Variants in CCDC91 observed in about 807,000 individuals in gnomAD.
The protein encoded by CCDC91 is coiled-coil domain containing 91, also known as coiled-coil domain-containing protein 91.
CCDC91 carries 48 observed loss-of-function variants against 63.2 expected under a neutral mutation model. That is an observed-to-expected ratio of 0.76 (90% confidence interval 0.60 to 0.97). CCDC91 has a LOEUF of 0.97. CCDC91 is among the 50% of genes least tolerant of loss of function. The pLI is 0.00. For missense variants in CCDC91, 500 were observed against 494.6 expected (o/e 1.01, Z -0.10); for synonymous variants, 167 against 165.8 (o/e 1.01, Z -0.06).
At chr12:28,204,612 TC>T (rs1407108883) in intron 1 of CCDC91, among the ~76,000 whole-genome samples, 2 of 152,184 alleles carry the variant, frequency 1.3e-5, no homozygotes, top group Non-Finnish European at 2.9e-5. Context: ...GTTAGGTATT[TC>T]TAAGATGTAT....
At chr12:28,358,726 G>C (rs1943678006) in intron 6 of CCDC91, among the ~76,000 whole-genome samples, 1 of 152,138 alleles carries the variant, frequency 6.6e-6, no homozygotes, top group African/African-American at 2.4e-5. Context: ...TTGATCAGTG[G>C]TGTACTATTT....
intron 1 of CCDC91, among the ~76,000 whole-genome samples, chr12:28,213,485 T>C (rs1164789574): frequency 1.3e-5 from 2 of 152,222 alleles, no homozygotes; most frequent in Non-Finnish European, 2.9e-5. Flanking sequence ...ACCAAATCTA[T>C]TGATATGGGC....
intron 6 of CCDC91, among the ~76,000 whole-genome samples, chr12:28,358,268 A>T (rs147077358): frequency 1.4e-4 from 22 of 152,304 alleles, no homozygotes; most frequent in African/African-American, 5.3e-4. Context: ...ACAGACATCT[A>T]CTTGAACCTG....
At chr12:28,390,938 C>CTT (rs200273851) in intron 7 of CCDC91, among the ~76,000 whole-genome samples, 9 of 137,004 alleles carry the variant, frequency 6.6e-5, no homozygotes, top group Admixed American at 1.5e-4. Context: ...CTTTTTCTTT[C>CTT]TTTTTTTTTT....
intron 7 of CCDC91, among the ~76,000 whole-genome samples, chr12:28,386,136 A>G (rs1945584574): frequency 6.6e-6 from 1 of 152,184 alleles, no homozygotes; most frequent in African/African-American, 2.4e-5. Context: ...CTTGGTAACA[A>G]TTTTGGTGAC....
chr12:28,231,172 G>C (rs1057372463), intron 1 of CCDC91, among the ~76,000 whole-genome samples: 3 of 152,100 alleles, frequency 2.0e-5, no homozygotes, highest in African/African-American at 7.2e-5. Flanking sequence ...TGTACATGTG[G>C]GTTGTGAGAA....
intron 3 of CCDC91, among the ~76,000 whole-genome samples, chr12:28,300,405 T>C (rs563801604): frequency 6.6e-6 from 1 of 151,674 alleles, no homozygotes; most frequent in East Asian, 1.9e-4. Flanking sequence ...ATTTTTGGAC[T>C]TTCTGATGTG....
chr12:28,386,842 T>C (rs1228966797), intron 7 of CCDC91, among the ~76,000 whole-genome samples: 1 of 152,212 alleles, frequency 6.6e-6, no homozygotes. Flanking sequence ...TTGGTATGTA[T>C]CTTGGCATTT....
chr12:28,376,960 T>C (rs1398078887), intron 7 of CCDC91, among the ~76,000 whole-genome samples: 3 of 151,790 alleles, frequency 2.0e-5, no homozygotes, highest in African/African-American at 7.2e-5. Context: ...GAAATTAAGT[T>C]CAACATGTTG....
chr12:28,359,836 T>A (rs1265465618), intron 6 of CCDC91, among the ~76,000 whole-genome samples: 1 of 152,076 alleles, frequency 6.6e-6, no homozygotes. Flanking sequence ...TAATATTTAG[T>A]ATATGGGTTG....
intron 6 of CCDC91, among the ~76,000 whole-genome samples, chr12:28,345,973 T>C (rs1406792020): frequency 6.6e-6 from 1 of 152,178 alleles, no homozygotes; most frequent in East Asian, 1.9e-4. Flanking sequence ...TATCTTTAAA[T>C]GAATATTGTC....
At chr12:28,277,221 T>G (rs1484073263) in intron 3 of CCDC91, among the ~76,000 whole-genome samples, 1 of 151,946 alleles carries the variant, frequency 6.6e-6, no homozygotes, top group Non-Finnish European at 1.5e-5. Context: ...TATTGAACAT[T>G]TTAGAGATTT....
intron 1 of CCDC91, among the ~76,000 whole-genome samples, chr12:28,235,848 T>A (rs1385471406): frequency 3.3e-5 from 5 of 152,040 alleles, no homozygotes; most frequent in Non-Finnish European, 7.4e-5. Flanking sequence ...TTTTTGTGTA[T>A]GAGGAGGTAA....
chr12:28,385,759 G>C (rs533698251), intron 7 of CCDC91, among the ~76,000 whole-genome samples: 3 of 152,148 alleles, frequency 2.0e-5, no homozygotes, highest in Admixed American at 1.3e-4. Flanking sequence ...GCTGGAATCA[G>C]ATCTGAAACA....
chr12:28,484,233 C>A, intron 12 of CCDC91, 68 bp downstream of exon 12: 1 of 753,204 alleles, frequency 1.3e-6, no homozygotes, highest in South Asian at 2.0e-5. Context: ...CATACAATAA[C>A]ATGAAATTGT....
intron 12 of CCDC91, among the ~76,000 whole-genome samples, chr12:28,530,675 G>T (rs1281083045): frequency 6.6e-6 from 1 of 152,004 alleles, no homozygotes; most frequent in African/African-American, 2.4e-5. Context: ...GGTGTGACCT[G>T]GATTCAAAGA....
chr12:28,201,672 C>T (rs1401253962), intron 1 of CCDC91, among the ~76,000 whole-genome samples: 3 of 145,448 alleles, frequency 2.1e-5, no homozygotes, highest in Non-Finnish European at 4.6e-5. Context: ...GAGGCCAAGG[C>T]AGGCGGCTGG....
chr12:28,460,867 A>C (rs894811436), intron 11 of CCDC91, among the ~76,000 whole-genome samples: 1 of 151,764 alleles, frequency 6.6e-6, no homozygotes, highest in African/African-American at 2.4e-5. Context: ...AGTAGGTGAA[A>C]ATTTTTAGCT....
chr12:28,431,444 G>C (rs746680088), intron 8 of CCDC91, among the ~76,000 whole-genome samples: 38 of 152,014 alleles, frequency 2.5e-4, no homozygotes, highest in Non-Finnish European at 4.3e-4. Flanking sequence ...TCTTCCTGTT[G>C]TTATTTTGTA....
Sources: allele counts gnomAD v4.1 joint callset (sites outside exome capture counted in the v4.1 genomes callset), GRCh38; gene constraint gnomAD v4.1.1; transcripts MANE v1.5; gene names NCBI Gene and HGNC (gene_info 2026-07-23, HGNC 2026-07-21).